GLIS3: variants seen among roughly 807,000 people sequenced by gnomAD.
The protein encoded by GLIS3 is GLIS family zinc finger 3.
A neutral mutation model predicts 78.6 loss-of-function variants in GLIS3; 53 were observed. The observed-to-expected ratio is 0.67, with a 90% confidence interval of 0.54 to 0.85. The LOEUF (loss-of-function observed/expected upper bound fraction) is 0.85. Ranked by LOEUF, GLIS3 falls within the 40% of genes least tolerant of loss-of-function variation. GLIS3 has a pLI of 0.00. For missense variants in GLIS3, 1,703 were observed against 1,231.1 expected, an observed-to-expected ratio of 1.38 and a Z score of -5.74; for synonymous variants, 684 against 509.9, an observed-to-expected ratio of 1.34 and a Z score of -4.60.
At chr9:4,304,915 A>G (rs4740766), upstream of GLIS3, among the ~76,000 whole-genome samples, 68,680 of 152,076 alleles carry the variant, frequency 0.45, 15,644 homozygotes, top group Admixed American at 0.53. Context: ...ACAGCAGGGA[A>G]GAGTGTAATT....
chr9:4,014,677 G>C (rs1353515929), intron 4 of GLIS3, among the ~76,000 whole-genome samples: 1 of 152,194 alleles, frequency 6.6e-6, no homozygotes, highest in East Asian at 1.9e-4. Flanking sequence ...TCTAGCCTGT[G>C]AACTGAAAGA....
intron 9 of GLIS3, among the ~76,000 whole-genome samples, chr9:3,843,683 G>T (rs10124642): frequency 1.3e-5 from 2 of 152,132 alleles, no homozygotes; most frequent in South Asian, 4.1e-4. Context: ...ATGAATGTAG[G>T]TACTGCCACT....
intron 4 of GLIS3, among the ~76,000 whole-genome samples, chr9:4,108,675 C>T (rs949136857): frequency 3.3e-5 from 5 of 152,146 alleles, no homozygotes; most frequent in African/African-American, 9.7e-5. Flanking sequence ...GCAACAGGCC[C>T]AATACCCAGG....
At chr9:4,025,045 T>C (rs1038500602) in intron 4 of GLIS3, among the ~76,000 whole-genome samples, 71 of 151,736 alleles carry the variant, frequency 4.7e-4, no homozygotes, top group African/African-American at 1.6e-3. Flanking sequence ...AGGTCAGGAG[T>C]TCGAGACCAG....
intron 4 of GLIS3, among the ~76,000 whole-genome samples, chr9:3,950,302 A>C (rs1360393245): frequency 6.6e-6 from 1 of 152,184 alleles, no homozygotes; most frequent in Non-Finnish European, 1.5e-5. Flanking sequence ...CTGCAGCTGG[A>C]GTCACTTTTG....
At chr9:4,412,135 C>A in the GLIS3 span, among the ~76,000 whole-genome samples, 1 of 152,212 alleles carries the variant, frequency 6.6e-6, no homozygotes, top group Admixed American at 6.5e-5. Flanking sequence ...AATAGCCCAA[C>A]AGCCAAACTA....
intron 4 of GLIS3, among the ~76,000 whole-genome samples, chr9:3,991,928 G>A (rs1000568798): frequency 1.3e-5 from 2 of 152,172 alleles, no homozygotes; most frequent in South Asian, 4.1e-4. Context: ...CTGACTTCGT[G>A]ATCCGCCCGC....
At chr9:3,935,038 T>C (rs1312210925) in intron 5 of GLIS3, among the ~76,000 whole-genome samples, 1 of 152,206 alleles carries the variant, frequency 6.6e-6, no homozygotes, top group Non-Finnish European at 1.5e-5. Flanking sequence ...AACTCAGTAA[T>C]GTTTATGGGA....
At chr9:4,283,636 T>G (rs968775177) in intron 2 of GLIS3, among the ~76,000 whole-genome samples, 1 of 152,244 alleles carries the variant, frequency 6.6e-6, no homozygotes, top group African/African-American at 2.4e-5. Flanking sequence ...AGGACTATGC[T>G]TTATTGGCTA....
intron 2 of GLIS3, among the ~76,000 whole-genome samples, chr9:4,268,311 A>G (rs1448437497): frequency 1.3e-5 from 2 of 152,316 alleles, no homozygotes; most frequent in African/African-American, 2.4e-5. Context: ...CATTTAAAAA[A>G]TTAAAATTTC....
chr9:3,995,373 C>T (rs908051262), intron 4 of GLIS3, among the ~76,000 whole-genome samples: 2 of 151,996 alleles, frequency 1.3e-5, no homozygotes, highest in African/African-American at 4.8e-5. Flanking sequence ...GCATCTAAAC[C>T]TAGGTCTCAA....
intron 4 of GLIS3, among the ~76,000 whole-genome samples, chr9:4,078,890 C>A (rs897306868): frequency 1.3e-5 from 2 of 152,114 alleles, no homozygotes; most frequent in Non-Finnish European, 2.9e-5. Context: ...CTTTGAAATG[C>A]CTCCCCTCTG....
chr9:4,408,587 C>G, the GLIS3 span, among the ~76,000 whole-genome samples: 8 of 148,398 alleles, frequency 5.4e-5, no homozygotes, highest in Non-Finnish European at 1.2e-4. Context: ...ATTAGCCGGG[C>G]GCGGTGGCGG....
At chr9:4,070,587 G>A (rs930470562) in intron 4 of GLIS3, among the ~76,000 whole-genome samples, 1 of 152,094 alleles carries the variant, frequency 6.6e-6, no homozygotes, top group Admixed American at 6.6e-5. Context: ...AAAGGAGGGT[G>A]TGTATGTGGG....
chr9:4,100,667 T>C (rs1830303290), intron 4 of GLIS3, among the ~76,000 whole-genome samples: 1 of 152,166 alleles, frequency 6.6e-6, no homozygotes. Context: ...CAGGACTCAG[T>C]TGACTGTTTC....
the GLIS3 span, among the ~76,000 whole-genome samples, chr9:4,438,930 A>T: frequency 6.6e-6 from 1 of 152,168 alleles, no homozygotes; most frequent in Non-Finnish European, 1.5e-5. Context: ...AGACTAATAC[A>T]CATGTTTTGT....
At chr9:4,240,772 G>A (rs1358323733) in intron 2 of GLIS3, among the ~76,000 whole-genome samples, 1 of 152,118 alleles carries the variant, frequency 6.6e-6, no homozygotes, top group Non-Finnish European at 1.5e-5. Context: ...TAATAGCTGG[G>A]TGATGAAATA....
At chr9:3,979,996 G>A (rs1258047863) in intron 4 of GLIS3, among the ~76,000 whole-genome samples, 1 of 152,094 alleles carries the variant, frequency 6.6e-6, no homozygotes, top group African/African-American at 2.4e-5. Flanking sequence ...AGGGTGGGGT[G>A]GACTTGCCGT....
Position 4,348,049 on chromosome 9 carries a change from T to C in GLIS3, n.161+183A>G, listed in dbSNP as rs118162924. The stretch of plus-strand genomic sequence containing the variant: ...TGTTCATAAAACTTTTAACTTATGA[T>C]TCAACTTCTAGAAATACATTATCAA... On this transcript the variant is annotated intron_variant and non_coding_transcript_variant, in intron 1 of 4. Coordinates refer to the GLIS3 transcript ENST00000471664. Among the ~76,000 whole-genome samples the C allele has an allele frequency of 1.1e-3, 160 of 152,314 alleles. 1 individual carries two copies. Among genetic ancestry groups the C allele is most frequent in the Non-Finnish European group, 2.0e-3 (133 of 68,022 alleles).
Sources: gnomAD v4.1 joint callset for allele counts (sites outside exome capture counted in the v4.1 genomes callset) on GRCh38, gnomAD v4.1.1 for gene constraint, MANE v1.5 for transcripts, NCBI Gene and HGNC (gene_info 2026-07-23, HGNC 2026-07-21) for gene names.